Variants in C12orf42 observed in about 807,000 individuals in gnomAD.
C12orf42 encodes chromosome 12 open reading frame 42.
Under a neutral mutation model 21.6 loss-of-function variants are expected in C12orf42, and 25 were observed. The observed-to-expected ratio is 1.16, with a 90% confidence interval of 0.84 to 1.62. C12orf42 has a LOEUF of 1.62. Among genes scored for constraint, C12orf42 ranks in the 40% most tolerant of loss-of-function variants. C12orf42 has a pLI of 0.00. For synonymous variants in C12orf42, 174 were observed against 175.0 expected, an observed-to-expected ratio of 0.99 and a Z score of 0.05; for missense variants, 483 against 459.3, an observed-to-expected ratio of 1.05 and a Z score of -0.47.
intron 4 of C12orf42, among the ~76,000 whole-genome samples, chr12:103,284,976 T>G (rs2036353252): frequency 6.6e-6 from 1 of 152,208 alleles, no homozygotes; most frequent in African/African-American, 2.4e-5. Context: ...GGTCTGGATT[T>G]CTCACTGTTC....
chr12:103,184,723 C>G, the C12orf42 span, among the ~76,000 whole-genome samples: 3 of 87,988 alleles, frequency 3.4e-5, no homozygotes, highest in Admixed American at 2.4e-4. Flanking sequence ...CCCCCCCCCC[C>G]CAAATATATA....
intron 10 of C12orf42, among the ~76,000 whole-genome samples, chr12:103,247,148 A>G (rs1040867048): frequency 6.6e-6 from 1 of 152,038 alleles, no homozygotes; most frequent in African/African-American, 2.4e-5. Flanking sequence ...TCTCACTGCA[A>G]CAAGTACCAT....
intron 2 of C12orf42, among the ~76,000 whole-genome samples, chr12:103,414,626 T>C (rs1368685460): frequency 6.6e-6 from 1 of 152,164 alleles, no homozygotes; most frequent in Non-Finnish European, 1.5e-5. Flanking sequence ...TTAGCTGTAT[T>C]CCTAGGTATA....
intron 4 of C12orf42, among the ~76,000 whole-genome samples, chr12:103,339,775 T>G (rs2042016084): frequency 6.6e-6 from 1 of 152,200 alleles, no homozygotes; most frequent in Non-Finnish European, 1.5e-5. Context: ...TTTGTTATAT[T>G]TCATTTAGGT....
intron 3 of C12orf42, among the ~76,000 whole-genome samples, chr12:103,398,621 A>G (rs1239633766): frequency 1.3e-5 from 2 of 152,096 alleles, no homozygotes; most frequent in Admixed American, 6.6e-5. Flanking sequence ...TATTTTATCT[A>G]AAAGTTACTG....
At chr12:103,309,409 G>A (rs942137860) in intron 4 of C12orf42, among the ~76,000 whole-genome samples, 24 of 151,990 alleles carry the variant, frequency 1.6e-4, no homozygotes, top group African/African-American at 5.6e-4. Flanking sequence ...TTACTTTATT[G>A]TAAGAATACA....
the C12orf42 span, among the ~76,000 whole-genome samples, chr12:103,148,010 C>T: frequency 1.1e-4 from 17 of 152,094 alleles, no homozygotes; most frequent in Non-Finnish European, 2.5e-4. Context: ...ATTAGTCATA[C>T]AGAAGAGAAC....
chr12:103,466,275 AT>A (rs1953122767), intron 2 of C12orf42, among the ~76,000 whole-genome samples: 1 of 151,858 alleles, frequency 6.6e-6, no homozygotes, highest in Non-Finnish European at 1.5e-5. Flanking sequence ...CGTGAGTAAA[AT>A]TTTCTACATC....
chr12:103,334,924 A>T (rs1403624004), intron 4 of C12orf42, among the ~76,000 whole-genome samples: 2 of 151,436 alleles, frequency 1.3e-5, no homozygotes, highest in East Asian at 1.9e-4. Flanking sequence ...AAAGTTCTAC[A>T]TTTTTTTTTC....
chr12:103,263,228 C>T (rs1056371450), intron 10 of C12orf42: 2 of 151,984 alleles, frequency 1.3e-5, no homozygotes, highest in Non-Finnish European at 2.9e-5. Flanking sequence ...TGCAGCAAAC[C>T]AACATGGCAC....
the C12orf42 span, chr12:103,081,313 C>A: frequency 6.6e-6 from 1 of 152,182 alleles, no homozygotes; most frequent in Admixed American, 6.5e-5. Context: ...TAGATTTAAT[C>A]TTCTCGAAAA....
intron 1 of C12orf42, among the ~76,000 whole-genome samples, chr12:103,491,299 T>A (rs1377067721): frequency 6.6e-6 from 1 of 152,210 alleles, no homozygotes; most frequent in Non-Finnish European, 1.5e-5. Flanking sequence ...AACTGCATAG[T>A]TTACCACTGA....
the C12orf42 span, among the ~76,000 whole-genome samples, chr12:103,192,751 A>T: frequency 6.6e-6 from 1 of 152,222 alleles, no homozygotes; most frequent in Non-Finnish European, 1.5e-5. Flanking sequence ...GAAAGCGAAG[A>T]TTGATATATC....
intron 1 of C12orf42, among the ~76,000 whole-genome samples, chr12:103,481,259 G>A (rs1274559070): frequency 6.6e-6 from 1 of 151,780 alleles, no homozygotes; most frequent in Non-Finnish European, 1.5e-5. Context: ...AATAAAACAT[G>A]GGTTTATGTA....
At chr12:103,481,738 T>G (rs1954486856) in intron 1 of C12orf42, among the ~76,000 whole-genome samples, 1 of 151,834 alleles carries the variant, frequency 6.6e-6, no homozygotes, top group Non-Finnish European at 1.5e-5. Context: ...TATTTGGACT[T>G]AATTTCTACC....
chr12:103,436,696 A>G (rs927177972), intron 2 of C12orf42, among the ~76,000 whole-genome samples: 2 of 152,124 alleles, frequency 1.3e-5, no homozygotes, highest in Non-Finnish European at 2.9e-5. Flanking sequence ...TAACAAGAAG[A>G]GCTAACTATC....
At chr12:103,205,453 T>C in the C12orf42 span, among the ~76,000 whole-genome samples, 2 of 152,162 alleles carry the variant, frequency 1.3e-5, no homozygotes, top group African/African-American at 4.8e-5. Context: ...ATGAGACCTA[T>C]TCACTATCAT....
chr12:103,327,260 C>T (rs145061920), intron 4 of C12orf42, among the ~76,000 whole-genome samples: 99 of 152,274 alleles, frequency 6.5e-4, no homozygotes, highest in African/African-American at 2.4e-3. Context: ...GTGTCAGGAC[C>T]TCTTGGGTAA....
the C12orf42 span, among the ~76,000 whole-genome samples, chr12:103,155,503 A>T: frequency 6.6e-6 from 1 of 152,108 alleles, no homozygotes; most frequent in African/African-American, 2.4e-5. Flanking sequence ...TAACAAAATA[A>T]CGGTGGGGAC....
Sources: gnomAD v4.1 joint callset for allele counts (sites outside exome capture counted in the v4.1 genomes callset) on GRCh38, gnomAD v4.1.1 for gene constraint, MANE v1.5 for transcripts, NCBI Gene and HGNC (gene_info 2026-07-23, HGNC 2026-07-21) for gene names.